GRIK1: variants seen among roughly 807,000 people sequenced by gnomAD.
GRIK1 encodes the protein glutamate ionotropic receptor kainate type subunit 1.
In GRIK1, 69 loss-of-function variants were observed where a neutral mutation model predicts 105.7. The observed-to-expected ratio is 0.65, with a 90% CI of 0.54 to 0.80. The LOEUF (loss-of-function observed/expected upper bound fraction) is 0.80. Ranked by LOEUF, GRIK1 falls within the 30% of genes least tolerant of loss-of-function variation. GRIK1 has a pLI of 0.00. For synonymous variants in GRIK1, 438 were observed against 431.3 expected (o/e 1.02, Z -0.19); for missense variants, 1,109 against 1,167.3 (o/e 0.95, Z 0.73).
Position 29,711,259 on chromosome 21 carries a change from G to C in GRIK1, c.119-17196C>G, listed in dbSNP as rs370485929. On this transcript the variant is annotated intron_variant, in intron 1 of 17. Transcript: ENST00000327783. ...AGGATTATAATGCCATATTTTTATTGTACCTTTTCTATATTTGGATATATA... is the reference window on the plus strand; with the variant it reads ...AGGATTATAATGCCATATTTTTATTCTACCTTTTCTATATTTGGATATATA... Among the ~76,000 whole-genome samples, 11 of 152,058 alleles carry C rather than the reference G, an allele frequency of 7.2e-5. No homozygotes were observed. The East Asian group carries it at 1.4e-3, about 19-fold the overall frequency.
At chr21:29,568,046 G>A (rs945241884) in intron 14 of GRIK1, among the ~76,000 whole-genome samples, 8 of 152,200 alleles carry the variant, frequency 5.3e-5, no homozygotes, top group African/African-American at 1.7e-4. Context: ...TTCCCTCAGC[G>A]GGATTTAAAC....
At chr21:29,652,524 T>C (rs2062758482) in intron 5 of GRIK1, among the ~76,000 whole-genome samples, 1 of 152,174 alleles carries the variant, frequency 6.6e-6, no homozygotes, top group East Asian at 1.9e-4. Context: ...TTGCAGACAA[T>C]GTTTCAGGAA....
chr21:29,649,061 G>C (rs575308673), intron 6 of GRIK1, among the ~76,000 whole-genome samples: 1 of 152,234 alleles, frequency 6.6e-6, no homozygotes, highest in South Asian at 2.1e-4. Context: ...ATCAAACGGA[G>C]GTCCTTTCGT....
rs868570288 is a variant in GRIK1, at chr21:29,707,430, T to C, written c.119-13367A>G. 7.2e-3 allele frequency among the ~76,000 whole-genome samples: 651 copies of C among 90,690 alleles called. 4 individuals are homozygous for C. The highest frequency in any genetic ancestry group is 0.021 in the African/African-American group (425 of 19,962). The allele number at this position is 90,690 out of a possible 152,430, so 59.5% of individuals were successfully genotyped here. A position where few individuals can be genotyped will look rare whatever the true frequency, so the allele number is the denominator to read the frequency against. On this transcript the variant is annotated intron_variant, in intron 1 of 17. Transcript: ENST00000327783. ...TCCGGCTTTCTTTCTTTCTTTCCCT[T>C]CCTCCCTCCCTCCCTCCCTCCCTCC...
At chr21:29,550,447 T>A (rs1320623813) in intron 16 of GRIK1, among the ~76,000 whole-genome samples, 1 of 152,218 alleles carries the variant, frequency 6.6e-6, no homozygotes, top group Non-Finnish European at 1.5e-5. Flanking sequence ...GTACATAAGT[T>A]TGTGCTTTAG....
intron 16 of GRIK1, among the ~76,000 whole-genome samples, chr21:29,552,360 A>G (rs2090149366): frequency 2.0e-5 from 3 of 152,264 alleles, no homozygotes; most frequent in East Asian, 3.9e-4. Context: ...CTCTGTCACA[A>G]CAAATTAAAT....
chr21:29,584,038 G>C lies in GRIK1; in HGVS notation c.1794-2495C>G, dbSNP rs1010609846. ...ATGCTTAAAACCTGTGACAAAACTT[G>C]CATATAGAAGAGTAGCCTTATGTTG... On this transcript the variant is annotated intron_variant, in intron 12 of 17. Coordinates refer to ENST00000327783, the MANE Select transcript of GRIK1 (RefSeq NM_001330994.2). Among the ~76,000 whole-genome samples the C allele has an allele frequency of 5.3e-5, 8 of 152,240 alleles. No homozygotes were observed. In the South Asian group the frequency reaches 1.7e-3, roughly 32 times the overall value.
At chr21:29,625,459 T>G (rs762901965) in intron 7 of GRIK1, among the ~76,000 whole-genome samples, 6 of 152,120 alleles carry the variant, frequency 3.9e-5, no homozygotes, top group African/African-American at 7.2e-5. Context: ...CCATACTTCA[T>G]TCAGCCGCCA....
intron 4 of GRIK1, among the ~76,000 whole-genome samples, chr21:29,666,280 G>A (rs905552259): frequency 6.6e-6 from 1 of 152,158 alleles, no homozygotes; most frequent in Non-Finnish European, 1.5e-5. Context: ...GTGCATGCTT[G>A]TAATCTCAGT....
intron 3 of GRIK1, among the ~76,000 whole-genome samples, chr21:29,682,443 A>G (rs2063399070): frequency 6.6e-6 from 1 of 152,180 alleles, no homozygotes; most frequent in South Asian, 2.1e-4. Flanking sequence ...GAAAGTTCCT[A>G]TTTGAAGCAC....
At chr21:29,620,887 G>A (rs952980197) in intron 7 of GRIK1, among the ~76,000 whole-genome samples, 2 of 136,386 alleles carry the variant, frequency 1.5e-5, no homozygotes, top group East Asian at 4.0e-4. Context: ...CTAGAGCAAT[G>A]TGTGATATAT....
intron 1 of GRIK1, among the ~76,000 whole-genome samples, chr21:29,697,050 G>A (rs1456762138): frequency 6.6e-6 from 1 of 152,092 alleles, no homozygotes; most frequent in East Asian, 1.9e-4. Context: ...ATTACATCCT[G>A]CTTATTCAAA....
At chr21:29,694,182 T>C (rs1265238084) in intron 1 of GRIK1, 119 bp from the exon 2 acceptor site, 1 of 649,512 alleles carries the variant, frequency 1.5e-6, no homozygotes, top group Non-Finnish European at 2.5e-6. Flanking sequence ...TGGAGTGCAA[T>C]GGCACGATCT....
At chr21:29,597,273 C>G (rs2061433156) in intron 8 of GRIK1, among the ~76,000 whole-genome samples, 1 of 152,132 alleles carries the variant, frequency 6.6e-6, no homozygotes, top group Non-Finnish European at 1.5e-5. Context: ...GATAAGAAAC[C>G]AACACAAAAC....
At chr21:29,804,659 T>C (rs1226128684) in intron 1 of GRIK1, among the ~76,000 whole-genome samples, 1 of 152,176 alleles carries the variant, frequency 6.6e-6, no homozygotes, top group East Asian at 1.9e-4. Flanking sequence ...AAATGACACA[T>C]TCTATGTTAT....
chr21:29,610,363 C>G (rs1568882759), intron 7 of GRIK1, among the ~76,000 whole-genome samples: 1 of 152,030 alleles, frequency 6.6e-6, no homozygotes, highest in African/African-American at 2.4e-5. Context: ...GGGAGATCAT[C>G]CCGGATTATC....
chr21:29,643,780 T>C (rs1200203824), intron 6 of GRIK1, among the ~76,000 whole-genome samples: 2 of 152,214 alleles, frequency 1.3e-5, no homozygotes, highest in Non-Finnish European at 2.9e-5. Context: ...GAGGGTTTCA[T>C]TGCAACTTCA....
intron 1 of GRIK1, among the ~76,000 whole-genome samples, chr21:29,868,658 T>C (rs1442049363): frequency 1.3e-5 from 2 of 152,214 alleles, no homozygotes; most frequent in Non-Finnish European, 2.9e-5. Flanking sequence ...CTTTCCTGCC[T>C]GGTCCTCCTC....
intron 1 of GRIK1, among the ~76,000 whole-genome samples, chr21:29,765,011 A>C (rs1007689615): frequency 6.6e-6 from 1 of 152,164 alleles, no homozygotes; most frequent in Non-Finnish European, 1.5e-5. Context: ...TATAAATCGA[A>C]TAGGTTGAAA....
Sources: allele counts gnomAD v4.1 joint callset (sites outside exome capture counted in the v4.1 genomes callset), GRCh38; gene constraint gnomAD v4.1.1; transcripts MANE v1.5; gene names NCBI Gene and HGNC (gene_info 2026-07-23, HGNC 2026-07-21).